The following UST variants were observed in gnomAD, a reference collection of about 807,000 sequenced individuals.
The protein encoded by UST is chondroitin sulfate 2-O-sulfotransferase.
A neutral mutation model predicts 45.6 loss-of-function variants in UST; 21 were observed. The ratio of observed to expected loss-of-function variants is 0.46; its 90% confidence interval spans 0.33 to 0.66. The LOEUF (loss-of-function observed/expected upper bound fraction) is 0.66, where lower values mean the gene tolerates loss of function less well. Ranked by LOEUF, UST falls within the 30% of genes least tolerant of loss-of-function variation. The pLI, the probability that UST is intolerant of heterozygous loss-of-function variation, is 0.02. For synonymous variants in UST, 215 were observed against 200.6 expected (o/e 1.07, Z -0.61); for missense variants, 463 against 512.4 (o/e 0.90, Z 0.93).
chr6:148,892,903 C>T (rs556266703), intron 2 of UST, among the ~76,000 whole-genome samples: 65 of 152,118 alleles, frequency 4.3e-4, no homozygotes, highest in Non-Finnish European at 5.9e-4. Context: ...TTTTCTTAAA[C>T]GGTCTGCTGG....
chr6:148,870,254 C>T (rs1042199569), intron 1 of UST, among the ~76,000 whole-genome samples: 3 of 152,116 alleles, frequency 2.0e-5, no homozygotes, highest in African/African-American at 7.2e-5. Context: ...GTGACCTGGG[C>T]TCAGCTTCCT....
intron 2 of UST, among the ~76,000 whole-genome samples, chr6:148,936,572 C>CT (rs1780030130): frequency 8.7e-6 from 1 of 114,628 alleles, no homozygotes; most frequent in East Asian, 2.6e-4. Context: ...AAAAATCAGT[C>CT]CTTTTTTTTT....
chr6:149,048,939 C>T (rs1776434333), intron 7 of UST, among the ~76,000 whole-genome samples: 1 of 152,124 alleles, frequency 6.6e-6, no homozygotes, highest in Non-Finnish European at 1.5e-5. Flanking sequence ...ATTGTTAACC[C>T]CTGGGGTAAA....
intron 2 of UST, among the ~76,000 whole-genome samples, chr6:148,932,303 C>T (rs972373959): frequency 1.3e-5 from 2 of 152,104 alleles, no homozygotes; most frequent in African/African-American, 4.8e-5. Flanking sequence ...TCACTGGAGG[C>T]TGAGAAGCAG....
At position 148,963,779 on chromosome 6, in the gene UST, A is replaced by G. The variant is rs548397347; in HGVS notation, c.528-631A>G. Among the ~76,000 whole-genome samples the G allele has an allele frequency of 2.0e-5, 3 of 152,254 alleles. No individual in the cohort carries two copies. In the South Asian group the frequency reaches 6.2e-4, roughly 32 times the overall value. On this transcript the variant is annotated intron_variant, in intron 4 of 7. Coordinates refer to ENST00000367463, the MANE Select transcript of UST (RefSeq NM_005715.3). Reference sequence around the variant, plus strand: ...TCCTGCCTCAGTTTCCCCAAGTGTAAATGAGGATAATTATTTTTTCTACTC... The same window carrying G: ...TCCTGCCTCAGTTTCCCCAAGTGTAGATGAGGATAATTATTTTTTCTACTC...
intron 5 of UST, among the ~76,000 whole-genome samples, chr6:148,985,654 G>C (rs995993128): frequency 6.6e-6 from 1 of 152,198 alleles, no homozygotes; most frequent in African/African-American, 2.4e-5. Flanking sequence ...AAAAAATGAA[G>C]ATAGTGGTGG....
chr6:148,824,199 TGAA>T (rs1218143429), intron 1 of UST, among the ~76,000 whole-genome samples: 2 of 152,218 alleles, frequency 1.3e-5, no homozygotes, highest in Non-Finnish European at 2.9e-5. Flanking sequence ...CAAGTTATGT[TGAA>T]GAAGCATGCT....
chr6:149,035,343 T>C (rs1215096566), intron 7 of UST, among the ~76,000 whole-genome samples: 1 of 152,238 alleles, frequency 6.6e-6, no homozygotes, highest in Non-Finnish European at 1.5e-5. Context: ...CCCCGCTTTA[T>C]CTCTATTTGC....
intron 1 of UST, among the ~76,000 whole-genome samples, chr6:148,752,627 C>G (rs980301052): frequency 2.0e-5 from 3 of 152,218 alleles, no homozygotes; most frequent in African/African-American, 7.2e-5. Context: ...TATCTAAATA[C>G]TGTCTTTCTT....
intron 1 of UST, among the ~76,000 whole-genome samples, chr6:148,878,204 A>G (rs112120791): frequency 6.0e-4 from 24 of 39,760 alleles, no homozygotes; most frequent in African/African-American, 7.1e-4. Context: ...TACGAGTGTG[A>G]GGGATCATGT....
intron 5 of UST, among the ~76,000 whole-genome samples, chr6:148,975,067 A>T (rs1242592581): frequency 2.0e-5 from 3 of 152,224 alleles, no homozygotes; most frequent in Admixed American, 2.0e-4. Flanking sequence ...GGTATAATCG[A>T]TGGCATTCTA....
intron 1 of UST, among the ~76,000 whole-genome samples, chr6:148,783,396 A>C (rs1776680193): frequency 6.6e-6 from 1 of 152,198 alleles, no homozygotes; most frequent in Non-Finnish European, 1.5e-5. Flanking sequence ...GTAATCTGAT[A>C]GTTTTGCCAG....
intron 2 of UST, among the ~76,000 whole-genome samples, chr6:148,900,599 T>G (rs1779233220): frequency 6.6e-6 from 1 of 152,252 alleles, no homozygotes; most frequent in Non-Finnish European, 1.5e-5. Context: ...CCTCTTCCTT[T>G]TGTAAATTGC....
intron 7 of UST, among the ~76,000 whole-genome samples, chr6:149,038,200 A>T (rs1270460755): frequency 6.6e-6 from 1 of 151,862 alleles, no homozygotes; most frequent in African/African-American, 2.4e-5. Flanking sequence ...AGTGTTGTGA[A>T]TCCCCTAACG....
In UST at chr6:148,747,318, GC is replaced by G; in HGVS notation, c.-110del. The G allele has an allele frequency of 7.9e-7, 1 of 1,266,808 alleles. No individual in the cohort carries two copies. Among genetic ancestry groups the G allele is most frequent in the Non-Finnish European group, 1.0e-6 (1 of 988,280 alleles). The allele number at this position is 1,266,808 out of a possible 1,614,324, so 78.5% of individuals were successfully genotyped here. ...GGCCCCTCCCCGCCCCCACCCGGCT[GC>G]CCTCCGCGCGGCCCTCCCCATGTGC... On this transcript the variant is annotated 5_prime_UTR_variant, in exon 1 of 8. Coordinates refer to ENST00000367463, the MANE Select transcript of UST (RefSeq NM_005715.3).
intron 1 of UST, among the ~76,000 whole-genome samples, chr6:148,879,640 G>A (rs1403053666): frequency 6.6e-6 from 1 of 152,232 alleles, no homozygotes; most frequent in Non-Finnish European, 1.5e-5. Flanking sequence ...GGCAGTGAAG[G>A]CGGCTCTAAT....
chr6:149,008,460 C>T (rs1331835582), intron 5 of UST, among the ~76,000 whole-genome samples: 1 of 152,182 alleles, frequency 6.6e-6, no homozygotes, highest in Non-Finnish European at 1.5e-5. Flanking sequence ...GCACTTAATT[C>T]TCTCCTAACC....
chr6:148,918,646 T>C (rs1412649655), intron 2 of UST, among the ~76,000 whole-genome samples: 1 of 152,238 alleles, frequency 6.6e-6, no homozygotes, highest in Admixed American at 6.5e-5. Flanking sequence ...CCATATTTCC[T>C]AACTATATTT....
intron 1 of UST, among the ~76,000 whole-genome samples, chr6:148,826,337 T>C (rs1017393212): frequency 1.3e-5 from 2 of 152,214 alleles, no homozygotes; most frequent in Non-Finnish European, 2.9e-5. Flanking sequence ...GGTCTTGAAC[T>C]CCTGACCTCA....
Sources: gnomAD v4.1 joint callset for allele counts (sites outside exome capture counted in the v4.1 genomes callset) on GRCh38, gnomAD v4.1.1 for gene constraint, MANE v1.5 for transcripts, NCBI Gene and HGNC (gene_info 2026-07-23, HGNC 2026-07-21) for gene names.